SAMD3: variants seen among roughly 807,000 people sequenced by gnomAD.
The protein encoded by SAMD3 is sterile alpha motif domain containing 3.
In SAMD3, 63 loss-of-function variants were observed where a neutral mutation model predicts 58.5. The ratio of observed to expected loss-of-function variants is 1.08; its 90% CI spans 0.88 to 1.33. The LOEUF (loss-of-function observed/expected upper bound fraction) is 1.33. SAMD3 is among the 40% of genes most tolerant of loss of function. The pLI is 0.00. For synonymous variants in SAMD3, 220 were observed against 210.3 expected (o/e 1.05, Z -0.40); for missense variants, 604 against 608.4 (o/e 0.99, Z 0.08).
chr6:130,195,845 C>T (rs1159661944), intron 5 of SAMD3, among the ~76,000 whole-genome samples: 1 of 152,094 alleles, frequency 6.6e-6, no homozygotes, highest in African/African-American at 2.4e-5. Context: ...CCAACACCTT[C>T]TACATCCTAG....
At chr6:130,282,096 C>T (rs1003748718) in intron 2 of SAMD3, among the ~76,000 whole-genome samples, 2 of 151,870 alleles carry the variant, frequency 1.3e-5, no homozygotes, top group African/African-American at 4.8e-5. Flanking sequence ...TGAGGCCTTG[C>T]TTTACTTACT....
intron 11 of SAMD3, 26 bp from the exon 12 acceptor site, chr6:130,144,830 C>T: frequency 6.3e-7 from 1 of 1,586,102 alleles, no homozygotes; most frequent in Non-Finnish European, 8.6e-7. Flanking sequence ...GAGTCATTAC[C>T]ATGATACGTA....
At chr6:130,353,219 C>A (rs1157978919) in intron 1 of SAMD3, among the ~76,000 whole-genome samples, 1 of 152,164 alleles carries the variant, frequency 6.6e-6, no homozygotes, top group Non-Finnish European at 1.5e-5. Flanking sequence ...TATCTCTAAT[C>A]CAGCTTTTAT....
At chr6:130,216,140 A>T (rs1562460520) in intron 2 of SAMD3, among the ~76,000 whole-genome samples, 1 of 151,836 alleles carries the variant, frequency 6.6e-6, no homozygotes, top group African/African-American at 2.4e-5. Flanking sequence ...TTATTTTTGT[A>T]TGCCACTTGT....
At chr6:130,196,920 C>T (rs1250368273) in intron 5 of SAMD3, among the ~76,000 whole-genome samples, 21 of 152,214 alleles carry the variant, frequency 1.4e-4, no homozygotes, top group African/African-American at 3.6e-4. Context: ...CACCTCTCTA[C>T]AGTCTGATAA....
At position 130,175,889 on chromosome 6, in the gene SAMD3, T is replaced by C; in HGVS notation, c.774A>G (p.Lys258=). ...CATCAAATCTTATATCAGCAAGAGA[T>C]TTCCTTGTCTGGCCTCTTCGGTGTC... ...KFGHRRGQTR[K]SLADIRFDEI... The change falls in exon 8 of 12, where the codon AAA becomes AAG. Residue 258 remains lysine (K), a synonymous_variant. Transcript: ENST00000439090. 6.2e-7 allele frequency: 1 copy of C among 1,613,406 alleles called. No individual in the cohort carries two copies. The highest frequency in any genetic ancestry group is 8.5e-7 in the Non-Finnish European group (1 of 1,179,498).
At chr6:130,175,714 A>G (rs185384033) in intron 8 of SAMD3, 127 bp downstream of exon 8, 10 of 612,574 alleles carry the variant, frequency 1.6e-5, no homozygotes, top group Middle Eastern at 4.5e-4. Context: ...CTTGGTTCTT[A>G]ACTACACTTC....
chr6:130,232,119 C>T (rs993682881), intron 2 of SAMD3, among the ~76,000 whole-genome samples: 2 of 152,126 alleles, frequency 1.3e-5, no homozygotes, highest in African/African-American at 4.8e-5. Flanking sequence ...TTGTCAGTGT[C>T]CACCCACAGC....
At chr6:130,219,192 A>G (rs1796121059) in intron 1 of SAMD3, among the ~76,000 whole-genome samples, 2 of 152,200 alleles carry the variant, frequency 1.3e-5, no homozygotes, top group South Asian at 2.1e-4. Context: ...AATTTTTTTC[A>G]TACATCACGG....
chr6:130,203,494 C>T (rs893125235), intron 5 of SAMD3, among the ~76,000 whole-genome samples: 1 of 152,194 alleles, frequency 6.6e-6, no homozygotes, highest in African/African-American at 2.4e-5. Flanking sequence ...CTCTCCCAGA[C>T]CATCTGCTTT....
chr6:130,345,080 G>A (rs1001016508), intron 1 of SAMD3, among the ~76,000 whole-genome samples: 2 of 152,124 alleles, frequency 1.3e-5, no homozygotes, highest in Non-Finnish European at 2.9e-5. Context: ...ACCTCTTAAG[G>A]TGGGGCAATA....
chr6:130,219,600 C>T (rs1487967488), intron 1 of SAMD3, among the ~76,000 whole-genome samples: 1 of 152,184 alleles, frequency 6.6e-6, no homozygotes, highest in Non-Finnish European at 1.5e-5. Context: ...TTTTCCATTC[C>T]TGAGTCACTT....
chr6:130,160,766 A>G (rs1790213522), intron 8 of SAMD3: 2 of 152,216 alleles, frequency 1.3e-5, no homozygotes, highest in South Asian at 4.1e-4. Flanking sequence ...AAATTATAGG[A>G]GCAGGAGAAC....
At chr6:130,165,712 A>G (rs147117262) in intron 8 of SAMD3, among the ~76,000 whole-genome samples, 328 of 152,294 alleles carry the variant, frequency 2.2e-3, no homozygotes, top group African/African-American at 7.7e-3. Context: ...TAATAGGTTG[A>G]TAGCTCTACC....
intron 2 of SAMD3, among the ~76,000 whole-genome samples, 163 bp downstream of exon 2, chr6:130,216,408 G>T (rs1012641625): frequency 6.6e-6 from 1 of 152,160 alleles, no homozygotes; most frequent in Non-Finnish European, 1.5e-5. Context: ...TGGAGAAATG[G>T]AATCATAAGG....
At chr6:130,225,229 C>G (rs115261467), upstream of SAMD3, among the ~76,000 whole-genome samples, 5 of 152,142 alleles carry the variant, frequency 3.3e-5, no homozygotes, top group South Asian at 2.1e-4. Flanking sequence ...ACTGAGACAA[C>G]AAGTATTGCC....
At position 130,213,137 on chromosome 6, in the gene SAMD3, CATAAAA is replaced by C. The variant is rs1401571787; in HGVS notation, c.269+1194_269+1199del. 5.9e-5 allele frequency among the ~76,000 whole-genome samples: 9 copies of C among 151,732 alleles called. No homozygotes were observed. In the South Asian group the frequency reaches 1.9e-3, roughly 32 times the overall value. ...CATTTGTTTAAAAAATAAAAATAAACATAAAAATAAATTAGCCAGTCATGGTGTTGA... is the reference window on the plus strand; with the variant it reads ...CATTTGTTTAAAAAATAAAAATAAACATAAATTAGCCAGTCATGGTGTTGA... On this transcript the variant is annotated intron_variant, in intron 4 of 11. Coordinates refer to ENST00000439090, the MANE Select transcript of SAMD3 (RefSeq NM_001017373.4).
rs969228173 is a variant in SAMD3 at position 130,357,538 on chromosome 6, C to T, written c.-304+7582G>A. On this transcript the variant is annotated intron_variant, in intron 1 of 13. Coordinates refer to the SAMD3 transcript ENST00000368134. The stretch of plus-strand genomic sequence containing the variant: ...CTTGCAGTAGCCCCTGGCAAACCAC[C>T]TGTACTCCTGTTATAACCATTTCCC... Among the ~76,000 whole-genome samples, 9 of 152,182 alleles carry T rather than the reference C, an allele frequency of 5.9e-5. No individual in the cohort carries two copies. In the South Asian group the frequency reaches 6.2e-4, roughly 11 times the overall value.
chr6:130,319,848 C>T (rs6940232), intron 1 of SAMD3, among the ~76,000 whole-genome samples: 67,584 of 151,868 alleles, frequency 0.45, 17,303 homozygotes, highest in African/African-American at 0.71. Context: ...ATGAAAGCAG[C>T]AGCAAAACAA....
Sources: gnomAD v4.1 joint callset for allele counts (sites outside exome capture counted in the v4.1 genomes callset) on GRCh38, gnomAD v4.1.1 for gene constraint, MANE v1.5 for transcripts, NCBI Gene and HGNC (gene_info 2026-07-23, HGNC 2026-07-21) for gene names.